CADM2: variants seen among roughly 807,000 people sequenced by gnomAD.
CADM2 encodes cell adhesion molecule 2, also known as immunoglobulin superfamily member 4D.
CADM2 carries 12 observed loss-of-function variants against 49.8 expected under a neutral mutation model. The observed-to-expected ratio is 0.24, with a 90% CI of 0.15 to 0.39. The LOEUF (loss-of-function observed/expected upper bound fraction) is 0.39, where lower values mean the gene tolerates loss of function less well. CADM2 is among the 10% of genes least tolerant of loss of function. The pLI is 1.00. For missense variants in CADM2, 378 were observed against 492.3 expected (o/e 0.77, Z 2.20); for synonymous variants, 214 against 175.4 (o/e 1.22, Z -1.74).
At chr3:85,078,895 G>A (rs1334650852) in intron 1 of CADM2, among the ~76,000 whole-genome samples, 1 of 151,578 alleles carries the variant, frequency 6.6e-6, no homozygotes, top group Non-Finnish European at 1.5e-5. Context: ...CTTCCAGGGT[G>A]TCTCATATAA....
intron 1 of CADM2, among the ~76,000 whole-genome samples, chr3:85,013,292 C>T (rs2034085150): frequency 1.3e-5 from 2 of 151,944 alleles, no homozygotes; most frequent in African/African-American, 4.8e-5. Flanking sequence ...CTATAGTTCT[C>T]TCCTGCTATG....
intron 1 of CADM2, among the ~76,000 whole-genome samples, chr3:85,320,438 A>C (rs183137050): frequency 6.6e-6 from 1 of 152,334 alleles, no homozygotes; most frequent in Non-Finnish European, 1.5e-5. Flanking sequence ...GTTTTCACGT[A>C]ACGCAAGCTA....
chr3:85,038,386 C>T (rs1190397028), intron 1 of CADM2, among the ~76,000 whole-genome samples: 1 of 152,138 alleles, frequency 6.6e-6, no homozygotes, highest in East Asian at 1.9e-4. Flanking sequence ...GCACTTAATA[C>T]ATAGGTAGTT....
At chr3:85,231,715 T>G (rs1045837242) in intron 1 of CADM2, among the ~76,000 whole-genome samples, 1 of 150,728 alleles carries the variant, frequency 6.6e-6, no homozygotes, top group African/African-American at 2.4e-5. Context: ...TTCTTTTTTT[T>G]TTTTTTTTGT....
At chr3:85,329,670 AG>A (rs1407942666) in intron 1 of CADM2, among the ~76,000 whole-genome samples, 3 of 152,128 alleles carry the variant, frequency 2.0e-5, no homozygotes, top group Non-Finnish European at 2.9e-5. Context: ...GTGTGTATAA[AG>A]TAAGTATGTA....
intron 1 of CADM2, among the ~76,000 whole-genome samples, chr3:85,108,976 G>C (rs1378297396): frequency 6.6e-6 from 1 of 151,942 alleles, no homozygotes; most frequent in East Asian, 1.9e-4. Context: ...GAACTATATA[G>C]CTTATCACAC....
At chr3:85,885,281 A>T (rs1009268041) in intron 4 of CADM2, among the ~76,000 whole-genome samples, 1 of 151,808 alleles carries the variant, frequency 6.6e-6, no homozygotes, top group Non-Finnish European at 1.5e-5. Flanking sequence ...TCTTGCCTGT[A>T]ATCCCAGCAC....
chr3:85,491,660 G>A (rs550925097), intron 1 of CADM2, among the ~76,000 whole-genome samples: 1 of 152,054 alleles, frequency 6.6e-6, no homozygotes, highest in East Asian at 1.9e-4. Context: ...TCACTTAAAA[G>A]TTTCTTCTGG....
chr3:85,958,807 C>A (rs1054314458), intron 7 of CADM2, among the ~76,000 whole-genome samples: 30 of 151,780 alleles, frequency 2.0e-4, no homozygotes, highest in African/African-American at 6.8e-4. Flanking sequence ...AACAGAAAAC[C>A]AAACACTTCA....
chr3:85,266,713 C>A (rs761437863), intron 1 of CADM2, among the ~76,000 whole-genome samples: 5 of 151,850 alleles, frequency 3.3e-5, no homozygotes, highest in Non-Finnish European at 7.4e-5. Flanking sequence ...TTGAACTGTG[C>A]TTAATGATCT....
chr3:85,850,877 C>T (rs2075082168), intron 3 of CADM2, among the ~76,000 whole-genome samples: 1 of 152,164 alleles, frequency 6.6e-6, no homozygotes, highest in Non-Finnish European at 1.5e-5. Context: ...AATATAGTCA[C>T]TCTGTCTTGC....
In CADM2 at chr3:86,024,415, T is replaced by G. The variant is rs149448401; in HGVS notation, c.971-41190T>G. Reference sequence around the variant, plus strand: ...ACATTAGAATTTTCAAAGCGAGCAGTAAATAAAATGAAAGACAATTGTATT... The same window carrying G: ...ACATTAGAATTTTCAAAGCGAGCAGGAAATAAAATGAAAGACAATTGTATT... On this transcript the variant is annotated intron_variant, in intron 8 of 9. Transcript: ENST00000383699. 6.5e-3 allele frequency among the ~76,000 whole-genome samples: 996 copies of G among 152,322 alleles called. 7 individuals carry two copies. The highest frequency in any genetic ancestry group is 8.2e-3 in the Non-Finnish European group (557 of 68,034).
intron 1 of CADM2, among the ~76,000 whole-genome samples, chr3:85,665,389 C>T (rs979210535): frequency 6.6e-6 from 1 of 151,768 alleles, no homozygotes; most frequent in Non-Finnish European, 1.5e-5. Flanking sequence ...TCATAATTGG[C>T]CTGCAATGGA....
Position 85,372,935 on chromosome 3 carries a change from C to T in CADM2, c.62-353587C>T, listed in dbSNP as rs943334774. 2.0e-5 allele frequency among the ~76,000 whole-genome samples: 3 copies of T among 152,048 alleles called. No individual in the cohort carries two copies. In the East Asian group the frequency reaches 5.8e-4, roughly 29 times the overall value. ...ATGATTCTATTACCTCACACCAGGTCTCTCCCGTGGACACATGGGGATTAT... is the reference window on the plus strand; with the variant it reads ...ATGATTCTATTACCTCACACCAGGTTTCTCCCGTGGACACATGGGGATTAT... On this transcript the variant is annotated intron_variant, in intron 1 of 9. Transcript: ENST00000383699.
chr3:85,399,957 T>C lies in CADM2; in HGVS notation c.62-326565T>C, dbSNP rs1307536197. Among the ~76,000 whole-genome samples the C allele has an allele frequency of 2.6e-4, 39 of 152,174 alleles. 1 individual carries two copies. The highest frequency in any genetic ancestry group is 2.6e-3 in the Admixed American group (39 of 15,264). On this transcript the variant is annotated intron_variant, in intron 1 of 9. Transcript: ENST00000383699. Reference sequence around the variant, plus strand: ...CCTGTTTTCCTAATTGAATACCCTTTATTTCTTTCTCCTGCCTGATTCACT... The same window carrying C: ...CCTGTTTTCCTAATTGAATACCCTTCATTTCTTTCTCCTGCCTGATTCACT...
At chr3:85,139,060 T>C (rs1341895007) in intron 1 of CADM2, among the ~76,000 whole-genome samples, 7 of 152,122 alleles carry the variant, frequency 4.6e-5, no homozygotes, top group African/African-American at 1.7e-4. Flanking sequence ...TGAGTGCAGG[T>C]TGGGCAGTTA....
At chr3:85,946,584 G>A (rs1281867022) in intron 7 of CADM2, among the ~76,000 whole-genome samples, 7 of 151,842 alleles carry the variant, frequency 4.6e-5, no homozygotes. Flanking sequence ...CATGGTACTG[G>A]TACCAAAACA....
chr3:85,359,314 A>G (rs2032133579), intron 1 of CADM2, among the ~76,000 whole-genome samples: 1 of 152,052 alleles, frequency 6.6e-6, no homozygotes, highest in African/African-American at 2.4e-5. Flanking sequence ...ATTGCATTAT[A>G]TCTTTAAAGC....
At chr3:85,570,935 G>A (rs1284382811) in intron 1 of CADM2, among the ~76,000 whole-genome samples, 1 of 152,074 alleles carries the variant, frequency 6.6e-6, no homozygotes, top group Non-Finnish European at 1.5e-5. Context: ...AGATTTTTGA[G>A]GAACTACCTG....
Sources: allele counts gnomAD v4.1 joint callset (sites outside exome capture counted in the v4.1 genomes callset), GRCh38; gene constraint gnomAD v4.1.1; transcripts MANE v1.5; gene names NCBI Gene and HGNC (gene_info 2026-07-23, HGNC 2026-07-21).